NPL: variants seen among roughly 807,000 people sequenced by gnomAD.
The protein encoded by NPL is N-acetylneuraminate pyruvate lyase.
Under a neutral mutation model 41.1 loss-of-function variants are expected in NPL, and 32 were observed. That is an observed-to-expected ratio of 0.78 (90% confidence interval 0.59 to 1.05). The LOEUF is 1.05. Among genes scored for constraint, NPL ranks in the 50% least tolerant of loss-of-function variants. The pLI, the probability that NPL is intolerant of heterozygous loss-of-function variation, is 0.00. For synonymous variants in NPL, 128 were observed against 134.9 expected (o/e 0.95, Z 0.35); for missense variants, 321 against 378.4 (o/e 0.85, Z 1.26).
At chr1:182,798,409 G>A (rs778216136) in intron 3 of NPL, among the ~76,000 whole-genome samples, 19 of 151,988 alleles carry the variant, frequency 1.3e-4, no homozygotes, top group Non-Finnish European at 2.2e-4. Flanking sequence ...TGTGTTTGTA[G>A]TAGAGACGGG....
At chr1:182,801,931 C>G (rs1666859037) in intron 3 of NPL, among the ~76,000 whole-genome samples, 1 of 152,220 alleles carries the variant, frequency 6.6e-6, no homozygotes, top group East Asian at 1.9e-4. Context: ...TGTCATTTAT[C>G]AGTCCTCTTC....
In NPL at chr1:182,828,673, G is replaced by A. The variant is rs974282930; in HGVS notation, c.779-51G>A. The A allele has an allele frequency of 4.3e-6, 7 of 1,612,602 alleles. No homozygotes were observed. Reference sequence around the variant, plus strand: ...TGATCTCCTTCTTTGGGATTTTTGTGGAGAGATAGACGGTACCAGTCATGT... The same window carrying A: ...TGATCTCCTTCTTTGGGATTTTTGTAGAGAGATAGACGGTACCAGTCATGT... On this transcript the variant is annotated intron_variant, in intron 12 of 12. Transcript: ENST00000367553. This position sits in a 1 kb window ranked among gnomAD's most constrained non-coding sequence, Gnocchi z 4.0.
intron 10 of NPL, 53 bp from the exon 11 acceptor site, chr1:182,822,062 G>C: frequency 8.7e-7 from 1 of 1,149,680 alleles, no homozygotes; most frequent in South Asian, 1.2e-5. Flanking sequence ...TTGAAGATCT[G>C]GACCTTTCCT....
intron 11 of NPL, among the ~76,000 whole-genome samples, chr1:182,823,453 T>C (rs1316812748): frequency 6.6e-6 from 1 of 152,168 alleles, no homozygotes; most frequent in African/African-American, 2.4e-5. Context: ...AAAGTTTAAA[T>C]ACCATATGTA....
rs539520095 is a variant in NPL, at chr1:182,803,768, T to C, written c.139T>C (p.Phe47Leu). The change falls in exon 4 of 13, where the codon TTT (phenylalanine) becomes CTT (leucine). Residue 47 changes from phenylalanine to leucine, a missense_variant. Phe to Leu is a conservative substitution (Grantham distance 22). Transcript: ENST00000367553. ...GAAAGAACAGGGAGTGAAGAACATT[T>C]TTGGTAAGTCAACTCTGGGGATGTC... ...LVKEQGVKNIFVNGTTGEGLS... is the reference protein window; with the variant it reads ...LVKEQGVKNILVNGTTGEGLS... 2 of 1,608,756 alleles carry C rather than the reference T, an allele frequency of 1.2e-6. No homozygotes were observed. Among genetic ancestry groups the C allele is most frequent in the South Asian group, 2.2e-5 (2 of 90,956 alleles).
intron 3 of NPL, among the ~76,000 whole-genome samples, chr1:182,800,065 C>G (rs1247272544): frequency 6.6e-6 from 1 of 152,122 alleles, no homozygotes; most frequent in Non-Finnish European, 1.5e-5. Context: ...CTAGTGACTT[C>G]CTGGTAACCG....
chr1:182,807,628 G>T (rs1667053577), intron 5 of NPL, among the ~76,000 whole-genome samples: 1 of 150,588 alleles, frequency 6.6e-6, no homozygotes, highest in African/African-American at 2.5e-5. Flanking sequence ...TGTAATCCCA[G>T]CACTTTGGGA....
At chr1:182,814,961 T>C (rs1347154294) in intron 7 of NPL, 103 bp downstream of exon 7, 1 of 943,364 alleles carries the variant, frequency 1.1e-6, no homozygotes, top group East Asian at 2.5e-5. Context: ...GCACTATAGA[T>C]TGGAGGCTTG....
intron 6 of NPL, among the ~76,000 whole-genome samples, chr1:182,813,741 T>C (rs1667244842): frequency 6.6e-6 from 1 of 152,232 alleles, no homozygotes; most frequent in South Asian, 2.1e-4. Context: ...CGGTATCTGC[T>C]TAGCCATAAC....
intron 5 of NPL, among the ~76,000 whole-genome samples, chr1:182,810,295 G>A (rs894370986): frequency 9.9e-5 from 15 of 152,116 alleles, no homozygotes; most frequent in African/African-American, 2.7e-4. Context: ...AATGAACATC[G>A]GGGTATCAGA....
intron 5 of NPL, chr1:182,809,045 A>G (rs1051024747): frequency 4.8e-6 from 1 of 209,416 alleles, no homozygotes; most frequent in South Asian, 5.4e-5. Context: ...TTTGACATAC[A>G]GATGTTCCTC....
At chr1:182,807,301 A>G (rs557991895) in intron 5 of NPL, among the ~76,000 whole-genome samples, 4 of 152,212 alleles carry the variant, frequency 2.6e-5, no homozygotes, top group Non-Finnish European at 4.4e-5. Context: ...TGTATAAAAA[A>G]AAAGGGAGTA....
chr1:182,814,930 T>C (rs41268520), intron 7 of NPL, 72 bp downstream of exon 7: 33,131 of 1,253,368 alleles, frequency 0.026, 2,506 homozygotes, highest in African/African-American at 0.25. Flanking sequence ...AAAATGGTTA[T>C]ATTTAATTTG....
intron 3 of NPL, among the ~76,000 whole-genome samples, chr1:182,800,975 C>T (rs989451893): frequency 6.6e-6 from 1 of 152,068 alleles, no homozygotes; most frequent in Non-Finnish European, 1.5e-5. Context: ...AGTGACCCAC[C>T]CACCTCAGCC....
At chr1:182,794,475 T>G in intron 3 of NPL, 36 bp downstream of exon 3, 1 of 1,593,244 alleles carries the variant, frequency 6.3e-7, no homozygotes, top group Non-Finnish European at 8.6e-7. Context: ...GGATCAGTTC[T>G]CATTCAACCA....
intron 10 of NPL, among the ~76,000 whole-genome samples, chr1:182,819,470 G>T (rs1031597328): frequency 6.6e-6 from 1 of 151,776 alleles, no homozygotes. Flanking sequence ...AATTAGCCAG[G>T]CGTGGTGGCA....
rs1666925998 is a variant in NPL at position 182,803,836 on chromosome 1, T to C, written c.142+65T>C. On this transcript the variant is annotated intron_variant, in intron 4 of 12. Transcript: ENST00000367553. ...CAGTCTTTAGAAGGTATATCTTACCTGGTTACCAGCCAAGAGGTCACACAG... is the reference window on the plus strand; with the variant it reads ...CAGTCTTTAGAAGGTATATCTTACCCGGTTACCAGCCAAGAGGTCACACAG... 3.5e-6 allele frequency: 4 copies of C among 1,141,898 alleles called. No individual in the cohort carries two copies. The Admixed American group carries it at 5.1e-5, about 14-fold the overall frequency. 70.7% of individuals were successfully genotyped at this position (1,141,898 alleles called of 1,614,324 possible). A position where few individuals can be genotyped will look rare whatever the true frequency, so the allele number is the denominator to read the frequency against.
At position 182,829,701 on chromosome 1, in the gene NPL, A is replaced by G; in HGVS notation, c.*793A>G. On this transcript the variant is annotated 3_prime_UTR_variant, in exon 13 of 13. Coordinates refer to ENST00000367553, the MANE Select transcript of NPL (RefSeq NM_030769.3). ...CTGAGAAGACTGTCTCTCCCGCAGG[A>G]CCCTGAATTATTGAAATCGAAGGCT... 7.1e-7 allele frequency: 1 copy of G among 1,398,988 alleles called. No homozygotes were observed. The highest frequency in any genetic ancestry group is 1.4e-5 in the African/African-American group (1 of 70,008). 86.7% of individuals were successfully genotyped at this position (1,398,988 alleles called of 1,614,324 possible).
At chr1:182,812,639 C>T (rs563601113) in intron 6 of NPL, among the ~76,000 whole-genome samples, 1 of 152,222 alleles carries the variant, frequency 6.6e-6, no homozygotes, top group East Asian at 1.9e-4. Flanking sequence ...AAAAGGATTG[C>T]TTGGTGGTGC....
Sources: allele counts gnomAD v4.1 joint callset (sites outside exome capture counted in the v4.1 genomes callset), GRCh38; gene constraint gnomAD v4.1.1; non-coding constraint Gnocchi (gnomAD v3.1); transcripts MANE v1.5; gene names NCBI Gene and HGNC (gene_info 2026-07-23, HGNC 2026-07-21).